Variants in CCDC102B observed in about 807,000 individuals in gnomAD.
The protein encoded by CCDC102B is coiled-coil domain-containing protein 102B.
Under a neutral mutation model 57.4 loss-of-function variants are expected in CCDC102B, and 75 were observed. The ratio of observed to expected loss-of-function variants is 1.31; its 90% CI spans 1.08 to 1.58. CCDC102B has a LOEUF of 1.58. CCDC102B is among the 40% of genes most tolerant of loss of function. The pLI, the probability that CCDC102B is intolerant of heterozygous loss-of-function variation, is 0.00. For missense variants in CCDC102B, 636 were observed against 582.6 expected (o/e 1.09, Z -0.94); for synonymous variants, 206 against 201.9 (o/e 1.02, Z -0.17).
intron 1 of CCDC102B, among the ~76,000 whole-genome samples, chr18:68,824,680 T>C (rs2036834850): frequency 6.6e-6 from 1 of 152,178 alleles, no homozygotes; most frequent in Admixed American, 6.5e-5. Flanking sequence ...AAAATAAAAA[T>C]ATTGAAATGT....
chr18:68,733,931 C>G (rs568772787), intron 2 of CCDC102B, among the ~76,000 whole-genome samples: 8 of 152,236 alleles, frequency 5.3e-5, no homozygotes, highest in Non-Finnish European at 1.0e-4. Context: ...ACAACTGCCT[C>G]GACTCACATG....
chr18:69,044,911 C>T (rs531754174), intron 7 of CCDC102B, among the ~76,000 whole-genome samples: 42 of 152,228 alleles, frequency 2.8e-4, no homozygotes, highest in African/African-American at 7.0e-4. Context: ...GGAGGCTGTA[C>T]GTTCAGAATC....
intron 7 of CCDC102B, among the ~76,000 whole-genome samples, chr18:69,030,221 T>G (rs937968342): frequency 1.3e-5 from 2 of 152,210 alleles, no homozygotes; most frequent in African/African-American, 2.4e-5. Flanking sequence ...TCTGCTATCC[T>G]AATTATTTTT....
intron 6 of CCDC102B, among the ~76,000 whole-genome samples, chr18:68,981,664 A>G (rs1056264764): frequency 6.6e-5 from 10 of 152,078 alleles, no homozygotes; most frequent in Admixed American, 4.6e-4. Context: ...TCATTAGTCT[A>G]TAATGAAACT....
chr18:68,897,198 C>A (rs759097472), intron 5 of CCDC102B, 21 bp from the exon 6 acceptor site: 2 of 1,592,718 alleles, frequency 1.3e-6, no homozygotes, highest in Non-Finnish European at 1.7e-6. Flanking sequence ...CATGCTGCTT[C>A]TTTGTGTTTT....
chr18:68,858,531 G>A (rs900798095), intron 4 of CCDC102B, among the ~76,000 whole-genome samples: 4 of 152,044 alleles, frequency 2.6e-5, no homozygotes, highest in African/African-American at 9.7e-5. Context: ...ATATTAGGTG[G>A]CTTGAAGTTC....
At chr18:68,986,921 G>A (rs77814390) in intron 6 of CCDC102B, among the ~76,000 whole-genome samples, 2,561 of 152,216 alleles carry the variant, frequency 0.017, 79 homozygotes, top group African/African-American at 0.058. Context: ...AGAAATCAGA[G>A]GTGATACAAA....
Position 68,846,427 on chromosome 18 carries a change from G to C in CCDC102B, c.936+6G>C, listed in dbSNP as rs749898356. The C allele has an allele frequency of 8.0e-6, 12 of 1,504,692 alleles. No individual in the cohort carries two copies. The allele number at this position is 1,504,692 out of a possible 1,614,324, so 93.2% of individuals were successfully genotyped here. ...AGCCAAAAAATGTGAAAGAGGTATGGGGGAATATGATGTAAAGGAAGAAAT... is the reference window on the plus strand; with the variant it reads ...AGCCAAAAAATGTGAAAGAGGTATGCGGGAATATGATGTAAAGGAAGAAAT... On this transcript the variant is annotated splice_donor_region_variant and intron_variant, in intron 4 of 7. Coordinates refer to ENST00000360242, the MANE Select transcript of CCDC102B (RefSeq NM_024781.3).
intron 6 of CCDC102B, among the ~76,000 whole-genome samples, chr18:68,956,443 T>A (rs546307086): frequency 0.021 from 331 of 16,062 alleles, 79 homozygotes; most frequent in African/African-American, 0.071. Context: ...TTTATATATA[T>A]TATATATATT....
chr18:68,934,129 C>A (rs780225561), intron 6 of CCDC102B, among the ~76,000 whole-genome samples: 52 of 151,862 alleles, frequency 3.4e-4, no homozygotes, highest in South Asian at 1.0e-3. Context: ...AGGCTCTGTA[C>A]TTATAGTAAA....
At position 68,838,710 on chromosome 18, in the gene CCDC102B, A is replaced by T; in HGVS notation, c.611A>T (p.Gln204Leu). 6.2e-7 allele frequency: 1 copy of T among 1,613,398 alleles called. No individual in the cohort carries two copies. Among genetic ancestry groups the T allele is most frequent in the Non-Finnish European group, 8.5e-7 (1 of 1,179,552 alleles). ...STKEDTNNKE[Q>L]GVVIDSLKLS... The stretch of plus-strand genomic sequence containing the variant: ...TTTGTTTTGTTTTGTCTTCAGGAAC[A>T]AGGTGTGGTTATTGATTCTCTAAAA... Residue 204 changes from glutamine to leucine, a missense_variant, in exon 3 of 8, where the codon CAA (glutamine) becomes CTA (leucine). Gln to Leu is a moderately radical substitution (Grantham distance 113). Coordinates refer to ENST00000360242, the MANE Select transcript of CCDC102B (RefSeq NM_024781.3).
At chr18:68,775,737 T>A (rs896734678) in intron 2 of CCDC102B, among the ~76,000 whole-genome samples, 1 of 139,408 alleles carries the variant, frequency 7.2e-6, no homozygotes, top group Non-Finnish European at 1.5e-5. Context: ...CACTGCAACC[T>A]CTCCCTCCTG....
chr18:68,822,401 G>GAA (rs35792703), intron 1 of CCDC102B, among the ~76,000 whole-genome samples: 31 of 147,322 alleles, frequency 2.1e-4, no homozygotes, highest in South Asian at 6.4e-4. Context: ...TTCAAAAAAA[G>GAA]AAAAAAAAAA....
chr18:68,889,105 A>G (rs1599639589), intron 5 of CCDC102B, among the ~76,000 whole-genome samples: 3 of 152,072 alleles, frequency 2.0e-5, no homozygotes, highest in African/African-American at 7.2e-5. Flanking sequence ...GGTGTTATAA[A>G]TGAATATTGT....
At chr18:68,889,696 C>T (rs2144990356) in intron 5 of CCDC102B, among the ~76,000 whole-genome samples, 1 of 152,282 alleles carries the variant, frequency 6.6e-6, no homozygotes, top group Admixed American at 6.5e-5. Context: ...ACCTCGGCCT[C>T]CCAAAGTACT....
At chr18:69,003,800 A>AT (rs1324098598) in intron 6 of CCDC102B, among the ~76,000 whole-genome samples, 4 of 152,084 alleles carry the variant, frequency 2.6e-5, no homozygotes, top group African/African-American at 7.2e-5. Context: ...AAATTTGTTG[A>AT]TTTTTTTCTT....
At chr18:68,885,922 A>C (rs576596189) in intron 5 of CCDC102B, among the ~76,000 whole-genome samples, 1 of 152,022 alleles carries the variant, frequency 6.6e-6, no homozygotes, top group African/African-American at 2.4e-5. Context: ...CTTCTATTGG[A>C]ATGTTCCAGA....
chr18:69,013,210 T>G (rs1196527044), intron 7 of CCDC102B, among the ~76,000 whole-genome samples: 2 of 151,868 alleles, frequency 1.3e-5, no homozygotes, highest in Admixed American at 6.6e-5. Flanking sequence ...ACGAATGAAA[T>G]CATGCCTTTT....
chr18:68,757,137 A>G (rs547672132), intron 2 of CCDC102B, among the ~76,000 whole-genome samples: 5 of 152,276 alleles, frequency 3.3e-5, no homozygotes, highest in Admixed American at 1.3e-4. Flanking sequence ...ATTCTGTTAT[A>G]TTATAATTGC....
Sources: gnomAD v4.1 joint callset for allele counts (sites outside exome capture counted in the v4.1 genomes callset) on GRCh38, gnomAD v4.1.1 for gene constraint, MANE v1.5 for transcripts, NCBI Gene and HGNC (gene_info 2026-07-23, HGNC 2026-07-21) for gene names.